The following GCNT2 variants were observed in gnomAD, a reference collection of about 807,000 sequenced individuals.
GCNT2 encodes glucosaminyl (N-acetyl) transferase 2 (I blood group).
GCNT2 carries 34 observed loss-of-function variants against 34.2 expected under a neutral mutation model. That is an observed-to-expected ratio of 1.00 (90% CI 0.76 to 1.32). GCNT2 has a LOEUF of 1.32. Ranked by LOEUF, GCNT2 falls within the 40% of genes most tolerant of loss-of-function variation. The pLI, the probability that GCNT2 is intolerant of heterozygous loss-of-function variation, is 0.00. For missense variants in GCNT2, 584 were observed against 489.4 expected (o/e 1.19, Z -1.82); for synonymous variants, 212 against 188.0 (o/e 1.13, Z -1.04).
At chr6:10,540,903 A>G (rs1052689310) in intron 3 of GCNT2, among the ~76,000 whole-genome samples, 1 of 151,774 alleles carries the variant, frequency 6.6e-6, no homozygotes, top group Non-Finnish European at 1.5e-5. Flanking sequence ...ATTAGAAAAC[A>G]CTCTTGGGAG....
chr6:10,551,628 A>G (rs751176164), intron 3 of GCNT2, among the ~76,000 whole-genome samples: 1 of 151,962 alleles, frequency 6.6e-6, no homozygotes, highest in Non-Finnish European at 1.5e-5. Context: ...TATTTTTAGT[A>G]GAGACAGGGT....
intron 3 of GCNT2, among the ~76,000 whole-genome samples, chr6:10,534,092 G>A (rs976472059): frequency 1.4e-5 from 2 of 148,088 alleles, no homozygotes; most frequent in Non-Finnish European, 3.0e-5. Flanking sequence ...CACCCTGTGG[G>A]TTCTACTTCC....
At chr6:10,550,904 A>G (rs1244927717) in intron 3 of GCNT2, among the ~76,000 whole-genome samples, 3 of 152,196 alleles carry the variant, frequency 2.0e-5, no homozygotes, top group Non-Finnish European at 2.9e-5. Context: ...CAAACCACTA[A>G]TCAGTACTAC....
intron 3 of GCNT2, among the ~76,000 whole-genome samples, chr6:10,580,972 A>G (rs60066020): frequency 0.028 from 4,195 of 152,282 alleles, 208 homozygotes; most frequent in African/African-American, 0.096. Context: ...CTGATACAGA[A>G]TGACCACTTA....
At chr6:10,579,300 A>G (rs1176460675) in intron 3 of GCNT2, among the ~76,000 whole-genome samples, 2 of 152,214 alleles carry the variant, frequency 1.3e-5, no homozygotes, top group Non-Finnish European at 2.9e-5. Flanking sequence ...AAAACCCACT[A>G]TATTAAATAA....
chr6:10,605,973 T>C (rs1765293450), intron 3 of GCNT2, among the ~76,000 whole-genome samples: 1 of 152,172 alleles, frequency 6.6e-6, no homozygotes, highest in Non-Finnish European at 1.5e-5. Context: ...CCTCAGCTGC[T>C]TCACTTGATG....
At position 10,529,373 on chromosome 6, in the gene GCNT2, CAAG is replaced by C. The variant is rs747596532; in HGVS notation, c.466_468del (p.Lys156del). 87 of 1,614,100 alleles carry C rather than the reference CAAG, an allele frequency of 5.4e-5. 1 individual carries two copies. Among genetic ancestry groups the C allele is most frequent in the Middle Eastern group, 3.3e-4 (2 of 6,060 alleles). On this transcript the variant is annotated inframe_deletion, in exon 3 of 5. Coordinates refer to ENST00000495262, the MANE Select transcript of GCNT2 (RefSeq NM_145649.5). Reference sequence around the variant, plus strand: ...GCTTCCCAAATGCTTTTCTGGCTTCCAAGAAGGAGTCGGTTGTCTATGGGGGGA... The same window carrying C: ...GCTTCCCAAATGCTTTTCTGGCTTCCAAGGAGTCGGTTGTCTATGGGGGGA...
intron 3 of GCNT2, among the ~76,000 whole-genome samples, chr6:10,559,805 G>T (rs772793802): frequency 1.3e-5 from 2 of 152,232 alleles, no homozygotes; most frequent in Non-Finnish European, 2.9e-5. Context: ...CCATGTCCTG[G>T]GGCTTTGTTT....
At chr6:10,585,850 A>G (rs185292074) in intron 3 of GCNT2, 2 of 1,505,736 alleles carry the variant, frequency 1.3e-6, no homozygotes, top group East Asian at 2.4e-5. Flanking sequence ...CAGGAGGATT[A>G]AAGGATTCAG....
rs1214651898 is a variant in GCNT2 at position 10,614,644 on chromosome 6, A to AAAAAAAAG, written c.926-6706_926-6705insAAAAAAGA. ...CTGTCTCAAAAAAAAAAAAAAAAAA[A>AAAAAAAAG]AGAGAAAAAGAAGAAAGGTAGAAGA... On this transcript the variant is annotated intron_variant, in intron 3 of 4. Coordinates refer to ENST00000495262, the MANE Select transcript of GCNT2 (RefSeq NM_145649.5). Among the ~76,000 whole-genome samples the AAAAAAAAG allele has an allele frequency of 1.8e-4, 26 of 143,964 alleles. 1 individual carries two copies. The highest frequency in any genetic ancestry group is 6.2e-4 in the African/African-American group (23 of 37,204). 94.4% of individuals were successfully genotyped at this position (143,964 alleles called of 152,430 possible). A position where few individuals can be genotyped will look rare whatever the true frequency, so the allele number is the denominator to read the frequency against.
intron 3 of GCNT2, among the ~76,000 whole-genome samples, chr6:10,606,303 A>G (rs548158010): frequency 1.4e-4 from 21 of 152,342 alleles, no homozygotes; most frequent in Non-Finnish European, 2.1e-4. Context: ...TGACAGAGTG[A>G]GGCTCCTTCT....
At chr6:10,606,733 T>C (rs1338664766) in intron 3 of GCNT2, among the ~76,000 whole-genome samples, 4 of 146,228 alleles carry the variant, frequency 2.7e-5, no homozygotes, top group Non-Finnish European at 4.4e-5. Flanking sequence ...AAAAGTAACA[T>C]TTTAAAAATA....
rs577343525 is a variant in GCNT2, at chr6:10,600,389, A to C, written c.926-20962A>C. Among the ~76,000 whole-genome samples, 5 of 152,332 alleles carry C rather than the reference A, an allele frequency of 3.3e-5. No individual in the cohort carries two copies. In the South Asian group the frequency reaches 1.0e-3, roughly 32 times the overall value. On this transcript the variant is annotated intron_variant, in intron 3 of 4. Coordinates refer to ENST00000495262, the MANE Select transcript of GCNT2 (RefSeq NM_145649.5). ...TTTACATTGTTGTTGATTTTGAAGC[A>C]GCTTCTTTGTATTCTTTAATTTATA...
In GCNT2 at chr6:10,529,417, C is replaced by G. The variant is rs972133234; in HGVS notation, c.506C>G (p.Ala169Gly). ...VVYGGISRLQ[A>G]DLNCLEDLVA... ...TATGGGGGGATCTCCAGGCTCCAGG[C>G]TGACCTGAACTGCCTGGAAGACCTT... The change falls in exon 3 of 5, where the codon GCT (alanine) becomes GGT (glycine). Residue 169 changes from alanine (A) to glycine (G), a missense_variant. Coordinates refer to ENST00000495262, the MANE Select transcript of GCNT2 (RefSeq NM_145649.5). 6.2e-7 allele frequency: 1 copy of G among 1,614,132 alleles called. No individual in the cohort carries two copies. The highest frequency in any genetic ancestry group is 1.7e-5 in the Admixed American group (1 of 60,016).
Position 10,582,428 on chromosome 6 carries a change from ATAATT to A in GCNT2, c.926-38918_926-38914del, listed in dbSNP as rs1415377427. On this transcript the variant is annotated intron_variant, in intron 3 of 4. Coordinates refer to ENST00000495262, the MANE Select transcript of GCNT2 (RefSeq NM_145649.5). ...AATAGTATAATATTTATTATATACT[ATAATT>A]TAATATTTATTATATAATATATATA... 1.4e-3 allele frequency among the ~76,000 whole-genome samples: 177 copies of A among 126,878 alleles called. 3 individuals are homozygous for A. Among genetic ancestry groups the A allele is most frequent in the African/African-American group, 4.3e-3 (139 of 32,674 alleles). The allele number at this position is 126,878 out of a possible 152,430, so 83.2% of individuals were successfully genotyped here.
intron 3 of GCNT2, among the ~76,000 whole-genome samples, chr6:10,579,509 T>C (rs966600156): frequency 6.6e-6 from 1 of 152,080 alleles, no homozygotes; most frequent in Non-Finnish European, 1.5e-5. Context: ...ACTAGAGATA[T>C]TGATCTAGTA....
At chr6:10,551,318 CAG>C (rs2113637042) in intron 3 of GCNT2, among the ~76,000 whole-genome samples, 1 of 152,216 alleles carries the variant, frequency 6.6e-6, no homozygotes, top group African/African-American at 2.4e-5. Flanking sequence ...CCAGCTCACA[CAG>C]AGATGGCAAG....
intron 3 of GCNT2, among the ~76,000 whole-genome samples, chr6:10,549,715 CTT>C (rs1762410151): frequency 6.6e-6 from 1 of 151,794 alleles, no homozygotes; most frequent in African/African-American, 2.4e-5. Context: ...CTCTGTCTCT[CTT>C]TTAATCCCTT....
At chr6:10,584,554 C>T (rs147655099) in intron 3 of GCNT2, among the ~76,000 whole-genome samples, 28 of 152,274 alleles carry the variant, frequency 1.8e-4, no homozygotes, top group African/African-American at 5.1e-4. Context: ...CCCACGAGGC[C>T]GTATCTCAGG....
Sources: gnomAD v4.1 joint callset for allele counts (sites outside exome capture counted in the v4.1 genomes callset) on GRCh38, gnomAD v4.1.1 for gene constraint, MANE v1.5 for transcripts, NCBI Gene and HGNC (gene_info 2026-07-23, HGNC 2026-07-21) for gene names.